The following NIPSNAP2 variants were observed in gnomAD, a reference collection of about 807,000 sequenced individuals.
NIPSNAP2 encodes protein NipSnap homolog 2.
In NIPSNAP2, 42 loss-of-function variants were observed where a neutral mutation model predicts 48.4. That is an observed-to-expected ratio of 0.87 (90% CI 0.68 to 1.12). NIPSNAP2 has a LOEUF of 1.12. Among genes scored for constraint, NIPSNAP2 ranks in the 50% most tolerant of loss-of-function variants. The pLI is 0.00. For missense variants in NIPSNAP2, 314 were observed against 347.3 expected, an observed-to-expected ratio of 0.90 and a Z score of 0.76; for synonymous variants, 158 against 126.6, an observed-to-expected ratio of 1.25 and a Z score of -1.67.
intron 3 of NIPSNAP2, 96 bp from the exon 4 acceptor site, chr7:55,981,377 G>A: frequency 1.3e-6 from 1 of 787,968 alleles, no homozygotes; most frequent in South Asian, 1.5e-5. Context: ...TTAGAACACA[G>A]AGTAGGTGGT....
intron 1 of NIPSNAP2, among the ~76,000 whole-genome samples, chr7:55,977,731 A>T (rs1202780259): frequency 6.6e-6 from 1 of 152,106 alleles, no homozygotes; most frequent in Non-Finnish European, 1.5e-5. Flanking sequence ...ACTACCATTC[A>T]TCTTGAGAAT....
At chr7:55,981,703 T>A in intron 4 of NIPSNAP2, 136 bp downstream of exon 4, 1 of 582,800 alleles carries the variant, frequency 1.7e-6, no homozygotes. Context: ...TAAAGTAGTT[T>A]CTTCAACAAT....
chr7:55,968,131 A>C (rs1263727867), intron 1 of NIPSNAP2, among the ~76,000 whole-genome samples: 1 of 152,132 alleles, frequency 6.6e-6, no homozygotes, highest in African/African-American at 2.4e-5. Flanking sequence ...CCTAGTAGAA[A>C]GATCTCTATG....
intron 7 of NIPSNAP2, among the ~76,000 whole-genome samples, chr7:55,989,182 C>T (rs1207468399): frequency 6.6e-6 from 1 of 152,206 alleles, no homozygotes; most frequent in Non-Finnish European, 1.5e-5. Context: ...TGTCCACGTC[C>T]TCCCAGGAGC....
intron 7 of NIPSNAP2, among the ~76,000 whole-genome samples, chr7:55,993,884 G>A (rs1183273043): frequency 1.3e-5 from 2 of 151,542 alleles, no homozygotes; most frequent in South Asian, 4.2e-4. Context: ...CATAATGAAT[G>A]CCTTTGGTAC....
chr7:55,964,811 G>A, intron 1 of NIPSNAP2, 110 bp downstream of exon 1: 1 of 424,916 alleles, frequency 2.4e-6, no homozygotes, highest in Non-Finnish European at 3.3e-6. Flanking sequence ...CAGCGCGGGT[G>A]GCTGCCCGGC....
intron 1 of NIPSNAP2, among the ~76,000 whole-genome samples, chr7:55,967,969 G>A (rs1355153135): frequency 6.6e-6 from 1 of 151,198 alleles, no homozygotes; most frequent in African/African-American, 2.4e-5. Flanking sequence ...TAATTTTTTT[G>A]TAGAGAGGGG....
At chr7:55,984,818 T>C (rs1562766118) in intron 6 of NIPSNAP2, 29 bp from the exon 7 acceptor site, 1 of 1,595,398 alleles carries the variant, frequency 6.3e-7, no homozygotes, top group Admixed American at 1.7e-5. Flanking sequence ...ACAGAAGAAC[T>C]AACAAACCAA....
chr7:55,995,823 C>G (rs1787551075), intron 8 of NIPSNAP2, among the ~76,000 whole-genome samples: 1 of 152,172 alleles, frequency 6.6e-6, no homozygotes, highest in Admixed American at 6.5e-5. Flanking sequence ...GAATGCAGGA[C>G]AGACCTCTTG....
chr7:55,986,983 TAA>T (rs71561981), intron 7 of NIPSNAP2, among the ~76,000 whole-genome samples: 27 of 54,796 alleles, frequency 4.9e-4, no homozygotes, highest in African/African-American at 8.9e-4. Context: ...CCTGTCTCTA[TAA>T]AAAAAAAAAA....
In NIPSNAP2 at chr7:55,983,843, A is replaced by G. The variant is rs747301651; in HGVS notation, c.560A>G (p.Tyr187Cys). Residue 187 changes from tyrosine (Y) to cysteine (C), a missense_variant, in exon 6 of 10, where the codon TAT becomes TGT. Physicochemically the swap from Tyr to Cys is radical, Grantham distance 194. Coordinates refer to ENST00000322090, the MANE Select transcript of NIPSNAP2 (RefSeq NM_001483.3). ...EPVPRSGPNI[Y>C]ELRSYQLRPG... ...GTGCCAAGATCCGGACCTAATATAT[A>G]TGAACTCAGGTCTTACCAACTCCGA... 3.7e-6 allele frequency: 6 copies of G among 1,614,048 alleles called. No individual in the cohort carries two copies. Among genetic ancestry groups the G allele is most frequent in the Non-Finnish European group, 5.1e-6 (6 of 1,179,936 alleles).
intron 7 of NIPSNAP2, among the ~76,000 whole-genome samples, chr7:55,987,535 G>T (rs2116363271): frequency 6.6e-6 from 1 of 152,284 alleles, no homozygotes; most frequent in Non-Finnish European, 1.5e-5. Flanking sequence ...GGCTGAGGCA[G>T]GAGAATCACT....
At chr7:55,981,821 T>C in intron 4 of NIPSNAP2, 1 of 410,900 alleles carries the variant, frequency 2.4e-6, no homozygotes, top group Non-Finnish European at 4.4e-6. Flanking sequence ...TTTTTTGTTT[T>C]TTGAGACAGA....
chr7:55,979,852 G>C lies in NIPSNAP2; in HGVS notation c.278+1457G>C, dbSNP rs1200170760. The C allele has an allele frequency of 6.6e-6, 3 of 456,598 alleles. No individual in the cohort carries two copies. The East Asian group carries it at 2.1e-4, about 32-fold the overall frequency. The allele number at this position is 456,598 out of a possible 1,614,324, so 28.3% of individuals were successfully genotyped here. ...TTCTGCCCAACCCATCCAGTTCTGG[G>C]TACAAGTACTGCCTGCCTTACAATC... On this transcript the variant is annotated intron_variant, in intron 3 of 9. Coordinates refer to ENST00000322090, the MANE Select transcript of NIPSNAP2 (RefSeq NM_001483.3).
intron 5 of NIPSNAP2, among the ~76,000 whole-genome samples, chr7:55,982,900 A>G (rs1787246704): frequency 6.6e-6 from 1 of 152,190 alleles, no homozygotes; most frequent in Admixed American, 6.5e-5. Context: ...AGGCAGGCAT[A>G]TCAGTTGAGG....
intron 7 of NIPSNAP2, among the ~76,000 whole-genome samples, chr7:55,989,950 CAAAA>C (rs34909004): frequency 8.5e-4 from 101 of 118,888 alleles, no homozygotes; most frequent in Middle Eastern, 4.9e-3. Context: ...ACTAAAAATC[CAAAA>C]AAAAAAAAAA....
At chr7:55,985,039 A>G (rs1348090092) in intron 7 of NIPSNAP2, among the ~76,000 whole-genome samples, 161 bp downstream of exon 7, 1 of 152,182 alleles carries the variant, frequency 6.6e-6, no homozygotes, top group Non-Finnish European at 1.5e-5. Flanking sequence ...CAAACATACA[A>G]AACTAGAGAG....
chr7:55,976,778 C>T (rs377725799), intron 1 of NIPSNAP2, among the ~76,000 whole-genome samples: 100 of 152,206 alleles, frequency 6.6e-4, no homozygotes, highest in African/African-American at 2.3e-3. Context: ...GTCCCAGCTT[C>T]TCAGGAGGCT....
intron 9 of NIPSNAP2, 53 bp downstream of exon 9, chr7:55,997,502 G>T: frequency 7.3e-7 from 1 of 1,374,098 alleles, no homozygotes; most frequent in South Asian, 1.2e-5. Context: ...TTTCAATCAT[G>T]TTCTTTCACC....
Sources: allele counts gnomAD v4.1 joint callset (sites outside exome capture counted in the v4.1 genomes callset), GRCh38; gene constraint gnomAD v4.1.1; transcripts MANE v1.5; gene names NCBI Gene and HGNC (gene_info 2026-07-23, HGNC 2026-07-21).